Variants in RCBTB1 observed in about 807,000 individuals in gnomAD.
The protein encoded by RCBTB1 is RCC1 and BTB domain-containing protein 1.
Under a neutral mutation model 62.4 loss-of-function variants are expected in RCBTB1, and 46 were observed. The observed-to-expected ratio is 0.74, with a 90% CI of 0.58 to 0.94. The LOEUF is 0.94. RCBTB1 is among the 40% of genes least tolerant of loss of function. The pLI is 0.00. For synonymous variants in RCBTB1, 222 were observed against 245.8 expected (o/e 0.90, Z 0.91); for missense variants, 565 against 654.9 (o/e 0.86, Z 1.50).
chr13:49,571,069 G>A lies in RCBTB1; in HGVS notation c.-41-3749C>T, dbSNP rs562282237. On this transcript the variant is annotated intron_variant, in intron 2 of 12. Transcript: ENST00000378302. ...TACCAATATAAAAAGTATCCAGGCC[G>A]GGCGGGGTAGCTCACACCTGTAATC... Among the ~76,000 whole-genome samples the A allele has an allele frequency of 5.6e-3, 847 of 152,266 alleles. 4 individuals are homozygous for A. Among genetic ancestry groups the A allele is most frequent in the Non-Finnish European group, 8.8e-3 (599 of 68,020 alleles).
At chr13:49,541,597 T>TAA (rs1960365681) in intron 11 of RCBTB1, 79 bp downstream of exon 11, 22 of 1,389,990 alleles carry the variant, frequency 1.6e-5, no homozygotes, top group Middle Eastern at 1.9e-4. Flanking sequence ...ACCTGAAGCT[T>TAA]TTTACATTTC....
chr13:49,546,627 G>A (rs915450519), intron 9 of RCBTB1, among the ~76,000 whole-genome samples: 2 of 152,258 alleles, frequency 1.3e-5, no homozygotes, highest in African/African-American at 2.4e-5. Context: ...ATCTGGGGGT[G>A]ATGGGAGACA....
chr13:49,575,764 G>A (rs992183304), intron 2 of RCBTB1, among the ~76,000 whole-genome samples: 2 of 152,102 alleles, frequency 1.3e-5, no homozygotes, highest in Non-Finnish European at 2.9e-5. Flanking sequence ...GGGGTACACA[G>A]GCTAAAAAAC....
chr13:49,536,699 AGT>A (rs1185400686), intron 12 of RCBTB1, among the ~76,000 whole-genome samples: 1 of 152,214 alleles, frequency 6.6e-6, no homozygotes, highest in Non-Finnish European at 1.5e-5. Flanking sequence ...GGAATAGGGA[AGT>A]GGAGAGTATA....
At position 49,555,495 on chromosome 13, in the gene RCBTB1, T is replaced by C. The variant is rs779402696; in HGVS notation, c.603+20A>G. On this transcript the variant is annotated intron_variant, in intron 6 of 12. Transcript: ENST00000378302. ...TTGAAAAAGAAGGTAGAAAGGGAAA[T>C]GGGAGTGGAGACACCTCACCTCGCC... The C allele has an allele frequency of 2.9e-5, 47 of 1,605,474 alleles. No homozygotes were observed. The South Asian group carries it at 3.4e-4, about 12-fold the overall frequency.
intron 9 of RCBTB1, 52 bp downstream of exon 9, chr13:49,549,406 T>G: frequency 6.6e-7 from 1 of 1,517,024 alleles, no homozygotes; most frequent in Non-Finnish European, 8.9e-7. Context: ...GGAAAACTGG[T>G]CAGTTGGTAG....
At chr13:49,566,917 G>T in intron 3 of RCBTB1, 149 bp from the exon 4 acceptor site, 1 of 852,808 alleles carries the variant, frequency 1.2e-6, no homozygotes, top group Non-Finnish European at 1.8e-6. Context: ...TTCAACCTCT[G>T]TGGACATTGC....
chr13:49,545,013 G>T, intron 9 of RCBTB1, 150 bp from the exon 10 acceptor site: 9 of 540,978 alleles, frequency 1.7e-5, no homozygotes, highest in Admixed American at 3.3e-5. Context: ...TCAATTCTAC[G>T]GTATTAAAGT....
chr13:49,575,251 CAA>C lies in RCBTB1; in HGVS notation c.-42+5252_-42+5253del, dbSNP rs748160587. On this transcript the variant is annotated intron_variant, in intron 2 of 12. Transcript: ENST00000378302. ...ATGGCCATTATCAAAAAGTCAAAAA[CAA>C]AAGATATTGGCGAGGCTGTACAGCA... 7.5e-4 allele frequency among the ~76,000 whole-genome samples: 114 copies of C among 152,166 alleles called. 2 individuals carry two copies. Among genetic ancestry groups the C allele is most frequent in the East Asian group, 1.9e-4 (1 of 5,188 alleles).
chr13:49,541,962 T>G, intron 10 of RCBTB1, 135 bp from the exon 11 acceptor site: 1 of 973,646 alleles, frequency 1.0e-6, no homozygotes. Context: ...ATGCCTGTAA[T>G]CCCAGCACTT....
At chr13:49,584,731 G>A (rs1417109477) in intron 1 of RCBTB1, among the ~76,000 whole-genome samples, 1 of 152,172 alleles carries the variant, frequency 6.6e-6, no homozygotes, top group Non-Finnish European at 1.5e-5. Context: ...TTACAAGACT[G>A]CTTTATAAAA....
At chr13:49,547,194 T>C in intron 9 of RCBTB1, 2 of 1,193,648 alleles carry the variant, frequency 1.7e-6, no homozygotes, top group Non-Finnish European at 1.1e-6. Context: ...AAAAATACTG[T>C]ATTATACCTA....
At chr13:49,546,444 G>A (rs1249808072) in intron 9 of RCBTB1, 10 of 596,662 alleles carry the variant, frequency 1.7e-5, no homozygotes, top group East Asian at 1.4e-4. Context: ...ATTTTTCCAC[G>A]GACCGAGGCG....
In RCBTB1 at chr13:49,533,297, T is replaced by C; in HGVS notation, c.*825A>G. 6.6e-6 allele frequency: 1 copy of C among 152,162 alleles called. No homozygotes were observed. The highest frequency in any genetic ancestry group is 1.5e-5 in the Non-Finnish European group (1 of 68,032). The allele number at this position is 152,162 out of a possible 1,614,324, so 9.4% of individuals were successfully genotyped here. A position where few individuals can be genotyped will look rare whatever the true frequency, so the allele number is the denominator to read the frequency against. ...AGTTTGCATTTATAGAAGAAGGTGGTGGGGGACAATTTAAACTTGAGTTCT... is the reference window on the plus strand; with the variant it reads ...AGTTTGCATTTATAGAAGAAGGTGGCGGGGGACAATTTAAACTTGAGTTCT... On this transcript the variant is annotated 3_prime_UTR_variant, in exon 13 of 13. Transcript: ENST00000378302.
intron 6 of RCBTB1, among the ~76,000 whole-genome samples, chr13:49,553,483 G>GT (rs1566235304): frequency 6.6e-6 from 1 of 152,118 alleles, no homozygotes; most frequent in Non-Finnish European, 1.5e-5. Flanking sequence ...TTCCCAGAAC[G>GT]TGACAGTCCC....
At chr13:49,576,508 G>A (rs1019378062) in intron 2 of RCBTB1, among the ~76,000 whole-genome samples, 3 of 152,124 alleles carry the variant, frequency 2.0e-5, no homozygotes, top group Admixed American at 6.5e-5. Flanking sequence ...GAGAATATAA[G>A]TTCAGATTAG....
chr13:49,583,962 T>TA (rs1328581331), intron 1 of RCBTB1, among the ~76,000 whole-genome samples: 1 of 152,198 alleles, frequency 6.6e-6, no homozygotes, highest in Non-Finnish European at 1.5e-5. Flanking sequence ...ATGCATGACT[T>TA]ACTGTTTAAT....
intron 4 of RCBTB1, among the ~76,000 whole-genome samples, chr13:49,562,187 A>G (rs1275568258): frequency 1.3e-5 from 2 of 152,152 alleles, no homozygotes; most frequent in African/African-American, 2.4e-5. Context: ...AACAATAGCA[A>G]CAAGTTCTGG....
chr13:49,561,983 A>G (rs2137285735), intron 4 of RCBTB1, among the ~76,000 whole-genome samples: 1 of 151,876 alleles, frequency 6.6e-6, no homozygotes, highest in Non-Finnish European at 1.5e-5. Context: ...CGCACCTGTA[A>G]TCCCAGCTAC....
Sources: gnomAD v4.1 joint callset for allele counts (sites outside exome capture counted in the v4.1 genomes callset) on GRCh38, gnomAD v4.1.1 for gene constraint, MANE v1.5 for transcripts, NCBI Gene and HGNC (gene_info 2026-07-23, HGNC 2026-07-21) for gene names.